SDK1: variants seen among roughly 807,000 people sequenced by gnomAD.
The protein encoded by SDK1 is sidekick cell adhesion molecule 1.
A neutral mutation model predicts 245.5 loss-of-function variants in SDK1; 157 were observed. The ratio of observed to expected loss-of-function variants is 0.64; its 90% CI spans 0.56 to 0.73. The LOEUF is 0.73. SDK1 is among the 30% of genes least tolerant of loss of function. SDK1 has a pLI of 0.00. For synonymous variants in SDK1, 1,647 were observed against 1,278.5 expected, an observed-to-expected ratio of 1.29 and a Z score of -6.15; for missense variants, 3,583 against 3,002.3, an observed-to-expected ratio of 1.19 and a Z score of -4.52.
At chr7:4,128,639 C>T (rs1784549231) in intron 26 of SDK1, among the ~76,000 whole-genome samples, 1 of 142,244 alleles carries the variant, frequency 7.0e-6, no homozygotes, top group African/African-American at 2.6e-5. Flanking sequence ...GGTTGGGTGC[C>T]CTGGAATAGA....
chr7:3,351,570 A>G (rs1393433471), intron 1 of SDK1, among the ~76,000 whole-genome samples: 1 of 152,210 alleles, frequency 6.6e-6, no homozygotes, highest in Non-Finnish European at 1.5e-5. Context: ...AAACAAAGAT[A>G]CAGAAGGCAA....
intron 1 of SDK1, among the ~76,000 whole-genome samples, chr7:3,593,634 T>A (rs1780959612): frequency 6.6e-6 from 1 of 152,190 alleles, no homozygotes; most frequent in African/African-American, 2.4e-5. Flanking sequence ...CTTGAGTCTT[T>A]AAGAATGTAT....
At chr7:3,785,924 TGTG>T (rs1562442020) in intron 4 of SDK1, among the ~76,000 whole-genome samples, 1 of 152,202 alleles carries the variant, frequency 6.6e-6, no homozygotes, top group African/African-American at 2.4e-5. Flanking sequence ...CTTGAGGAAA[TGTG>T]GTCTTTATTT....
At chr7:3,397,561 T>C (rs1228123864) in intron 1 of SDK1, among the ~76,000 whole-genome samples, 1 of 151,926 alleles carries the variant, frequency 6.6e-6, no homozygotes, top group Non-Finnish European at 1.5e-5. Flanking sequence ...CTGTTAATCT[T>C]ATAGAGGATT....
intron 1 of SDK1, among the ~76,000 whole-genome samples, chr7:3,577,759 T>C (rs1780340196): frequency 6.6e-6 from 1 of 152,038 alleles, no homozygotes; most frequent in African/African-American, 2.4e-5. Context: ...GTGCACTGGC[T>C]TGCATTCAGC....
chr7:3,426,611 C>T (rs1407155785), intron 1 of SDK1, among the ~76,000 whole-genome samples: 1 of 152,232 alleles, frequency 6.6e-6, no homozygotes, highest in East Asian at 1.9e-4. Flanking sequence ...TAGCCAGTCA[C>T]CTGTGGCCAT....
chr7:3,659,087 C>G (rs1335789343), intron 4 of SDK1, among the ~76,000 whole-genome samples: 1 of 152,146 alleles, frequency 6.6e-6, no homozygotes, highest in Non-Finnish European at 1.5e-5. Flanking sequence ...CTTTTGACAC[C>G]TTAAATAGCC....
chr7:4,266,372 A>G lies in SDK1; in HGVS notation c.*988A>G, dbSNP rs1309294936. The G allele has an allele frequency of 1.0e-6, 1 of 985,418 alleles. No homozygotes were observed. Among genetic ancestry groups the G allele is most frequent in the East Asian group, 1.1e-4 (1 of 8,792 alleles). The allele number at this position is 985,418 out of a possible 1,614,324, so 61.0% of individuals were successfully genotyped here. On this transcript the variant is annotated 3_prime_UTR_variant, in exon 45 of 45. Coordinates refer to ENST00000404826, the MANE Select transcript of SDK1 (RefSeq NM_152744.4). The stretch of plus-strand genomic sequence containing the variant: ...GTACATGGGAAAGATGAAAAGCAAC[A>G]GTGTCTGCAAATAAAGCAAAACAGC...
rs1562779052 is a variant in SDK1, at chr7:4,079,546, G to A, written c.3286G>A (p.Gly1096Arg). The change falls in exon 22 of 45, where the codon GGG (glycine) becomes AGG (arginine). Residue 1096 changes from glycine to arginine, a missense_variant. Gly to Arg is a moderately radical substitution (Grantham distance 125). Transcript: ENST00000404826. Reference sequence around the variant, plus strand: ...CCTTCAGTTCCGGCCAGGCTATGACGGGAAAACGTCCATCTCCAGGTGGAT... The same window carrying A: ...CCTTCAGTTCCGGCCAGGCTATGACAGGAAAACGTCCATCTCCAGGTGGAT... ...ATLQFRPGYD[G>R]KTSISRWIVE... 3.1e-6 allele frequency: 5 copies of A among 1,614,216 alleles called. No homozygotes were observed. The highest frequency in any genetic ancestry group is 1.1e-5 in the South Asian group (1 of 91,088).
rs139885803 is a variant in SDK1, at chr7:3,755,644, G to A, written c.714-65806G>A. Among the ~76,000 whole-genome samples, 9 of 152,134 alleles carry A rather than the reference G, an allele frequency of 5.9e-5. No individual in the cohort carries two copies. The East Asian group carries it at 1.5e-3, about 26-fold the overall frequency. The stretch of plus-strand genomic sequence containing the variant: ...GAACGTCATCTCAAAAAAGTTCTCC[G>A]TGTCGTTCATTTGTAACCAACTCCT... On this transcript the variant is annotated intron_variant, in intron 4 of 44. Transcript: ENST00000404826.
intron 1 of SDK1, among the ~76,000 whole-genome samples, chr7:3,437,571 A>AG (rs1562486044): frequency 6.6e-6 from 1 of 152,064 alleles, no homozygotes; most frequent in Non-Finnish European, 1.5e-5. Context: ...CAGGAGTTTG[A>AG]GATCAGCCTG....
At chr7:3,902,025 G>T (rs1781807575) in intron 5 of SDK1, among the ~76,000 whole-genome samples, 1 of 152,054 alleles carries the variant, frequency 6.6e-6, no homozygotes, top group African/African-American at 2.4e-5. Context: ...AGCTGCTCCA[G>T]GCTCACCTGT....
At chr7:3,646,122 G>A (rs1438959189) in intron 4 of SDK1, among the ~76,000 whole-genome samples, 1 of 152,108 alleles carries the variant, frequency 6.6e-6, no homozygotes. Flanking sequence ...CTCCCAGAGT[G>A]CTGGGATTAT....
intron 19 of SDK1, among the ~76,000 whole-genome samples, chr7:4,066,982 A>G (rs974693738): frequency 6.6e-6 from 1 of 152,190 alleles, no homozygotes; most frequent in Non-Finnish European, 1.5e-5. Flanking sequence ...GAATGAGTTT[A>G]TGTTCTGATG....
At chr7:4,010,837 A>G in intron 14 of SDK1, 129 bp from the exon 15 acceptor site, 1 of 938,218 alleles carries the variant, frequency 1.1e-6, no homozygotes, top group Non-Finnish European at 1.6e-6. Flanking sequence ...AAATGGGATA[A>G]GCTTTCCTTC....
At chr7:3,850,844 AC>A (rs1429193830) in intron 5 of SDK1, among the ~76,000 whole-genome samples, 1 of 122,434 alleles carries the variant, frequency 8.2e-6, no homozygotes, top group Admixed American at 1.0e-4. Context: ...AACATCACAC[AC>A]CGGGGCCTGT....
chr7:3,901,851 C>T (rs1781801317), intron 5 of SDK1, among the ~76,000 whole-genome samples: 1 of 152,118 alleles, frequency 6.6e-6, no homozygotes, highest in South Asian at 2.1e-4. Flanking sequence ...TAGGAAGGGA[C>T]TCTTGTTCTT....
At chr7:3,612,168 A>C (rs1781615156) in intron 1 of SDK1, among the ~76,000 whole-genome samples, 2 of 152,154 alleles carry the variant, frequency 1.3e-5, no homozygotes, top group African/African-American at 4.8e-5. Context: ...AGTGTACCAA[A>C]ATCTCACAAA....
intron 1 of SDK1, among the ~76,000 whole-genome samples, chr7:3,353,604 C>A (rs760887931): frequency 2.0e-5 from 3 of 152,170 alleles, no homozygotes. Flanking sequence ...CTGTAACTTA[C>A]CATTCCAGTC....
Sources: allele counts gnomAD v4.1 joint callset (sites outside exome capture counted in the v4.1 genomes callset), GRCh38; gene constraint gnomAD v4.1.1; transcripts MANE v1.5; gene names NCBI Gene and HGNC (gene_info 2026-07-23, HGNC 2026-07-21).